The following UNC13C variants were observed in gnomAD, a reference collection of about 807,000 sequenced individuals.
The protein encoded by UNC13C is unc-13 homolog C.
UNC13C carries 174 observed loss-of-function variants against 245.4 expected under a neutral mutation model. The ratio of observed to expected loss-of-function variants is 0.71; its 90% CI spans 0.63 to 0.80. The LOEUF is 0.80. UNC13C is among the 30% of genes least tolerant of loss of function. The probability of loss-of-function intolerance (pLI) is 0.00; values close to 1 mark genes in which losing one functional copy is unlikely to be tolerated. For missense variants in UNC13C, 2,829 were observed against 2,602.9 expected, an observed-to-expected ratio of 1.09 and a Z score of -1.89; for synonymous variants, 992 against 895.1, an observed-to-expected ratio of 1.11 and a Z score of -1.93.
chr15:54,108,873 A>G (rs1900602038), intron 2 of UNC13C, among the ~76,000 whole-genome samples: 1 of 152,214 alleles, frequency 6.6e-6, no homozygotes, highest in South Asian at 2.1e-4. Flanking sequence ...AACTCTTCAG[A>G]TATAAGCACT....
chr15:54,396,539 A>C (rs1235181705), intron 18 of UNC13C, among the ~76,000 whole-genome samples: 1 of 151,642 alleles, frequency 6.6e-6, no homozygotes, highest in Non-Finnish European at 1.5e-5. Flanking sequence ...TAAAATTTGT[A>C]CTTTTTCAAG....
At chr15:53,877,435 G>A in the UNC13C span, among the ~76,000 whole-genome samples, 1 of 152,052 alleles carries the variant, frequency 6.6e-6, no homozygotes, top group African/African-American at 2.4e-5. Flanking sequence ...TCAAAGGACT[G>A]GGTAGGGTTA....
At chr15:54,160,386 A>C (rs1032324079) in intron 4 of UNC13C, among the ~76,000 whole-genome samples, 2 of 149,222 alleles carry the variant, frequency 1.3e-5, no homozygotes, top group African/African-American at 5.0e-5. Context: ...CCTCCTAACA[A>C]TGCATACTAG....
At chr15:54,190,805 C>T (rs909309528) in intron 4 of UNC13C, among the ~76,000 whole-genome samples, 6 of 151,994 alleles carry the variant, frequency 3.9e-5, no homozygotes, top group African/African-American at 1.4e-4. Context: ...GAACCATTTA[C>T]ACTTATTGAT....
At chr15:54,172,705 T>C (rs371697588) in intron 4 of UNC13C, among the ~76,000 whole-genome samples, 22,153 of 39,832 alleles carry the variant, frequency 0.56, 3,589 homozygotes, top group East Asian at 0.59. Context: ...CACACACAGA[T>C]ATATATATAT....
At chr15:54,594,672 A>G (rs1226047375) in intron 30 of UNC13C, among the ~76,000 whole-genome samples, 1 of 152,180 alleles carries the variant, frequency 6.6e-6, no homozygotes, top group African/African-American at 2.4e-5. Context: ...TCTCACTTCC[A>G]TCATGCCCCC....
intron 19 of UNC13C, among the ~76,000 whole-genome samples, chr15:54,462,710 G>A (rs1891917520): frequency 6.6e-6 from 1 of 152,222 alleles, no homozygotes; most frequent in Admixed American, 6.5e-5. Flanking sequence ...CTTGGGACCT[G>A]CAGCCCGCCA....
intron 4 of UNC13C, among the ~76,000 whole-genome samples, chr15:54,227,615 A>C (rs1448498996): frequency 6.6e-6 from 1 of 152,196 alleles, no homozygotes; most frequent in East Asian, 1.9e-4. Context: ...TCATGACAGC[A>C]TTCCAGGCTT....
chr15:54,453,686 C>A (rs1026674793), intron 19 of UNC13C, among the ~76,000 whole-genome samples: 13 of 152,124 alleles, frequency 8.5e-5, no homozygotes, highest in African/African-American at 3.1e-4. Flanking sequence ...AATATATTGA[C>A]AAATTTTTTT....
At chr15:54,631,949 C>T (rs2460609), downstream of UNC13C, 300 of 152,188 alleles carry the variant, frequency 2.0e-3, no homozygotes, top group African/African-American at 7.1e-3. Context: ...TTTACATTTC[C>T]AGAAGCAATG....
intron 19 of UNC13C, among the ~76,000 whole-genome samples, chr15:54,493,942 A>C (rs901391518): frequency 1.3e-5 from 2 of 152,162 alleles, no homozygotes; most frequent in Non-Finnish European, 2.9e-5. Flanking sequence ...GAATGTATCA[A>C]AAAAGCCAAG....
chr15:54,574,511 C>A (rs1897880183), intron 30 of UNC13C, among the ~76,000 whole-genome samples: 3 of 152,088 alleles, frequency 2.0e-5, no homozygotes, highest in Admixed American at 2.0e-4. Flanking sequence ...ATATTAAATA[C>A]AGTTTTTTCA....
intron 10 of UNC13C, among the ~76,000 whole-genome samples, chr15:54,275,500 T>C (rs1357261113): frequency 6.6e-6 from 1 of 152,184 alleles, no homozygotes. Flanking sequence ...TGTTGGGTTA[T>C]TTATATCTCA....
the UNC13C span, among the ~76,000 whole-genome samples, chr15:53,937,427 A>C: frequency 6.6e-6 from 1 of 152,160 alleles, no homozygotes; most frequent in Non-Finnish European, 1.5e-5. Context: ...CATGAAAGAG[A>C]TGGAGAGGAC....
intron 4 of UNC13C, among the ~76,000 whole-genome samples, chr15:54,192,253 A>G (rs1249604642): frequency 1.3e-5 from 2 of 151,804 alleles, no homozygotes; most frequent in East Asian, 3.9e-4. Context: ...CTTTCTTGTC[A>G]TTTGTTTTTT....
chr15:54,167,584 G>A (rs372253006), intron 4 of UNC13C, among the ~76,000 whole-genome samples: 1 of 57,722 alleles, frequency 1.7e-5, no homozygotes, highest in Non-Finnish European at 3.3e-5. Flanking sequence ...ATGAGTGAAA[G>A]AATGAGTATC....
chr15:54,296,106 A>G (rs946583169), intron 11 of UNC13C, among the ~76,000 whole-genome samples: 2 of 152,178 alleles, frequency 1.3e-5, no homozygotes, highest in Non-Finnish European at 2.9e-5. Context: ...CAAAGAACCA[A>G]TAAAGCTCCC....
intron 4 of UNC13C, among the ~76,000 whole-genome samples, chr15:54,191,271 A>T (rs191881700): frequency 6.6e-6 from 1 of 152,094 alleles, no homozygotes; most frequent in Non-Finnish European, 1.5e-5. Flanking sequence ...TCTTTGTTCA[A>T]TTCCCACTTA....
At chr15:54,166,583 C>T (rs1216645326) in intron 4 of UNC13C, among the ~76,000 whole-genome samples, 1 of 151,990 alleles carries the variant, frequency 6.6e-6, no homozygotes. Context: ...TATTTGCAGA[C>T]AGAATGATGA....
Sources: gnomAD v4.1 joint callset for allele counts (sites outside exome capture counted in the v4.1 genomes callset) on GRCh38, gnomAD v4.1.1 for gene constraint, MANE v1.5 for transcripts, NCBI Gene and HGNC (gene_info 2026-07-23, HGNC 2026-07-21) for gene names.